Variants in CUX2 observed in about 807,000 individuals in gnomAD.
CUX2 encodes homeobox protein cut-like 2.
A neutral mutation model predicts 144.8 loss-of-function variants in CUX2; 40 were observed. The ratio of observed to expected loss-of-function variants is 0.28; its 90% CI spans 0.21 to 0.36. CUX2 has a LOEUF of 0.36. Ranked by LOEUF, CUX2 falls within the 10% of genes least tolerant of loss-of-function variation. The pLI is 1.00. For synonymous variants in CUX2, 827 were observed against 875.6 expected, an observed-to-expected ratio of 0.94 and a Z score of 0.98; for missense variants, 1,615 against 1,994.0, an observed-to-expected ratio of 0.81 and a Z score of 3.62.
rs1441570314 is a variant in CUX2 at position 111,322,871 on chromosome 12, G to A, written c.2926+291G>A. ...TGGCTCCATGGTGCTCAGAGCAGGT[G>A]GAGAATGTGTTTTGCATGTGGAGTC... On this transcript the variant is annotated intron_variant, in intron 18 of 21. Transcript: ENST00000261726. This position sits in a 1 kb window ranked among gnomAD's most constrained non-coding sequence, Gnocchi z 4.2. Among the ~76,000 whole-genome samples, 1 of 152,234 alleles carries A rather than the reference G, an allele frequency of 6.6e-6. No individual in the cohort carries two copies. Among genetic ancestry groups the A allele is most frequent in the African/African-American group, 2.4e-5 (1 of 41,468 alleles).
intron 21 of CUX2, among the ~76,000 whole-genome samples, chr12:111,346,934 C>A (rs1010074829): frequency 6.6e-6 from 1 of 152,170 alleles, no homozygotes; most frequent in Non-Finnish European, 1.5e-5. Flanking sequence ...ATTGCTTGAA[C>A]CCAGGAGGCA....
intron 18 of CUX2, among the ~76,000 whole-genome samples, chr12:111,328,677 G>A (rs374896134): frequency 6.6e-6 from 1 of 151,076 alleles, no homozygotes; most frequent in East Asian, 2.0e-4. Flanking sequence ...TCGGCTCACT[G>A]TAACCTCCGG....
intron 1 of CUX2, among the ~76,000 whole-genome samples, chr12:111,051,378 A>C (rs1436338726): frequency 6.6e-6 from 1 of 152,114 alleles, no homozygotes; most frequent in African/African-American, 2.4e-5. Context: ...CATTTCTGTC[A>C]ATTTTTGCTT....
At chr12:111,088,861 G>T (rs576771715) in intron 1 of CUX2, among the ~76,000 whole-genome samples, 78 of 152,290 alleles carry the variant, frequency 5.1e-4, no homozygotes, top group African/African-American at 1.8e-3. Flanking sequence ...GGGTGCCATG[G>T]TACCCCCGTC....
At chr12:111,193,549 A>G (rs1297163328) in intron 1 of CUX2, among the ~76,000 whole-genome samples, 3 of 152,270 alleles carry the variant, frequency 2.0e-5, no homozygotes, top group South Asian at 4.1e-4. Context: ...ATTTCTTTCT[A>G]TTTTCTCCCT....
At chr12:111,043,377 C>T (rs763963447) in intron 1 of CUX2, among the ~76,000 whole-genome samples, 5 of 152,092 alleles carry the variant, frequency 3.3e-5, no homozygotes, top group Admixed American at 6.5e-5. Flanking sequence ...GCAGAGACCC[C>T]GAGAAGGGTG....
chr12:111,197,775 C>G (rs936309213), intron 1 of CUX2, among the ~76,000 whole-genome samples: 1 of 152,212 alleles, frequency 6.6e-6, no homozygotes, highest in African/African-American at 2.4e-5. Context: ...AGATCCACCT[C>G]CCACCACCAG....
intron 1 of CUX2, among the ~76,000 whole-genome samples, chr12:111,040,029 A>G (rs183745220): frequency 4.0e-4 from 61 of 152,248 alleles, no homozygotes; most frequent in Non-Finnish European, 6.9e-4. Flanking sequence ...GCTCATGCCT[A>G]TAATCCCAGC....
intron 19 of CUX2, among the ~76,000 whole-genome samples, chr12:111,335,893 A>G (rs950344110): frequency 1.3e-5 from 2 of 151,776 alleles, no homozygotes; most frequent in African/African-American, 4.8e-5. Flanking sequence ...ACGACAGAGG[A>G]AGACCTTGTC....
At chr12:111,094,428 T>G (rs767131671) in intron 1 of CUX2, among the ~76,000 whole-genome samples, 15 of 152,234 alleles carry the variant, frequency 9.9e-5, no homozygotes, top group Non-Finnish European at 2.2e-4. Context: ...TTAACTGAGC[T>G]TGGGGACTGG....
chr12:111,242,147 C>G (rs1883048773), intron 3 of CUX2, among the ~76,000 whole-genome samples: 1 of 152,228 alleles, frequency 6.6e-6, no homozygotes. Flanking sequence ...TGTTGAGGAC[C>G]TACTACTCAC....
intron 4 of CUX2, among the ~76,000 whole-genome samples, chr12:111,280,132 T>C (rs1885052845): frequency 6.6e-6 from 1 of 151,528 alleles, no homozygotes; most frequent in Admixed American, 6.6e-5. Context: ...AAAAATAAAA[T>C]ACAAAAACTA....
At chr12:111,344,433 A>G (rs1289564975) in intron 21 of CUX2, among the ~76,000 whole-genome samples, 1 of 152,210 alleles carries the variant, frequency 6.6e-6, no homozygotes, top group Non-Finnish European at 1.5e-5. Context: ...TTGAGGGATG[A>G]ATAGGAGTTT....
At chr12:111,217,774 C>A in intron 2 of CUX2, 116 bp from the exon 3 acceptor site, 1 of 1,055,072 alleles carries the variant, frequency 9.5e-7, no homozygotes, top group Non-Finnish European at 1.5e-6. Flanking sequence ...GGAGTTCAGG[C>A]CCCACGGGAC....
At chr12:111,184,890 C>A (rs547370584) in intron 1 of CUX2, among the ~76,000 whole-genome samples, 2 of 151,888 alleles carry the variant, frequency 1.3e-5, no homozygotes, top group African/African-American at 4.8e-5. Context: ...AGTGAAACCC[C>A]GTCTCTACTA....
intron 4 of CUX2, among the ~76,000 whole-genome samples, chr12:111,268,897 C>G (rs1656792426): frequency 6.6e-6 from 1 of 152,166 alleles, no homozygotes; most frequent in South Asian, 2.1e-4. Flanking sequence ...CCCAGGGGTC[C>G]CCAGGCAGCG....
chr12:111,284,343 C>T (rs891862124), intron 4 of CUX2, among the ~76,000 whole-genome samples: 5 of 152,124 alleles, frequency 3.3e-5, no homozygotes, highest in Non-Finnish European at 4.4e-5. Context: ...GGCAGCCATA[C>T]GACTTGTGCT....
chr12:111,086,557 C>T (rs1047880410), intron 1 of CUX2, among the ~76,000 whole-genome samples: 1 of 152,198 alleles, frequency 6.6e-6, no homozygotes, highest in African/African-American at 2.4e-5. Context: ...CTTAACATCA[C>T]AGAGCTGGGT....
At chr12:111,331,279 G>C (rs1371205352) in intron 18 of CUX2, among the ~76,000 whole-genome samples, 1 of 152,156 alleles carries the variant, frequency 6.6e-6, no homozygotes, top group Admixed American at 6.6e-5. Flanking sequence ...GGCTCAGGAT[G>C]TCTCTTCTGA....
Sources: gnomAD v4.1 joint callset for allele counts (sites outside exome capture counted in the v4.1 genomes callset) on GRCh38, gnomAD v4.1.1 for gene constraint, Gnocchi (gnomAD v3.1) non-coding constraint, MANE v1.5 for transcripts, NCBI Gene and HGNC (gene_info 2026-07-23, HGNC 2026-07-21) for gene names.